ZNF530: variants seen among roughly 807,000 people sequenced by gnomAD.
ZNF530 encodes zinc finger protein 530.
ZNF530 carries 5 observed loss-of-function variants against 2.8 expected under a neutral mutation model. The ratio of observed to expected loss-of-function variants is 1.80; its 90% CI spans 0.94 to 3.78. The LOEUF (loss-of-function observed/expected upper bound fraction) is 3.78, where lower values mean the gene tolerates loss of function less well. Ranked by LOEUF, ZNF530 falls within the 30% of genes most tolerant of loss-of-function variation. ZNF530 has a pLI of 0.00. For synonymous variants in ZNF530, 229 were observed against 235.0 expected, an observed-to-expected ratio of 0.97 and a Z score of 0.23; for missense variants, 619 against 673.3, an observed-to-expected ratio of 0.92 and a Z score of 0.89.
chr19:57,604,838 T>C (rs1469876182), intron 3 of ZNF530: 2 of 167,210 alleles, frequency 1.2e-5, no homozygotes, highest in African/African-American at 4.8e-5. Flanking sequence ...TCTTGTAACA[T>C]TATTTTTCAC....
chr19:57,611,968 C>T (rs1258863189), downstream of ZNF530, among the ~76,000 whole-genome samples: 1 of 152,190 alleles, frequency 6.6e-6, no homozygotes, highest in Non-Finnish European at 1.5e-5. Flanking sequence ...TCAGACTAGC[C>T]AGTACTCAGC....
rs773279127 is a variant in ZNF530, at chr19:57,600,124, C to T, written c.-132C>T. On this transcript the variant is annotated 5_prime_UTR_variant, in exon 1 of 4. Coordinates refer to ENST00000597700, the MANE Select transcript of ZNF530 (RefSeq NM_001321981.2). ...AGTCCGATGGCGGCGGCACTGAGGG[C>T]CCCGACCCAGGTGAGCGCTGCGTCC... The T allele has an allele frequency of 3.8e-6, 6 of 1,568,946 alleles. No individual in the cohort carries two copies. In the African/African-American group the frequency reaches 6.8e-5, roughly 18 times the overall value.
intron 2 of ZNF530, among the ~76,000 whole-genome samples, chr19:57,602,422 G>A (rs763794120): frequency 1.3e-4 from 20 of 152,128 alleles, no homozygotes; most frequent in Non-Finnish European, 2.4e-4. Context: ...TTTGTGGGTG[G>A]GCGTGGGGCA....
Position 57,606,972 on chromosome 19 carries a change from A to C in ZNF530, c.1348A>C (p.Thr450Pro). 1.2e-6 allele frequency: 2 copies of C among 1,613,976 alleles called. No homozygotes were observed. The highest frequency in any genetic ancestry group is 2.2e-5 in the South Asian group (2 of 91,070). The change falls in exon 4 of 4, where the codon ACA (threonine) becomes CCA (proline). Residue 450 changes from threonine (T) to proline (P), a missense_variant. By Grantham distance (38) the Thr-to-Pro change is conservative. Transcript: ENST00000597700. ...SCKTDLIRHQ[T>P]VHTGERPYEC... ...CAAAACTGACCTCATTCGACACCAG[A>C]CAGTTCACACTGGAGAAAGGCCTTA...
rs1464207211 is a variant in ZNF530, at chr19:57,606,796, A to G, written c.1172A>G (p.Gln391Arg). The change falls in exon 4 of 4, where the codon CAA becomes CGA. Residue 391 changes from glutamine (Q) to arginine (R), a missense_variant. Gln to Arg is a conservative substitution (Grantham distance 43). Transcript: ENST00000597700. ...TTTGGCCAGAAATCTGTCCTCATTCAACACCAAAGAGTTCACACTGGAGAA... is the reference window on the plus strand; with the variant it reads ...TTTGGCCAGAAATCTGTCCTCATTCGACACCAAAGAGTTCACACTGGAGAA... ...KSFGQKSVLI[Q>R]HQRVHTGERP... is the part of the protein sequence containing the mutation. 11 of 1,613,672 alleles carry G rather than the reference A, an allele frequency of 6.8e-6. No homozygotes were observed. Among genetic ancestry groups the G allele is most frequent in the Non-Finnish European group, 9.3e-6 (11 of 1,179,886 alleles).
At chr19:57,611,409 T>C (rs1490311684), downstream of ZNF530, among the ~76,000 whole-genome samples, 1 of 152,182 alleles carries the variant, frequency 6.6e-6, no homozygotes, top group Non-Finnish European at 1.5e-5. Context: ...AGGCTCTTTA[T>C]TCTCCTTCCT....
chr19:57,605,845 T>C lies in ZNF530; in HGVS notation c.221T>C (p.Ile74Thr). 6.2e-7 allele frequency: 1 copy of C among 1,614,192 alleles called. No individual in the cohort carries two copies. Among genetic ancestry groups the C allele is most frequent in the Non-Finnish European group, 8.5e-7 (1 of 1,180,040 alleles). Residue 74 changes from isoleucine (I) to threonine (T), a missense_variant, in exon 4 of 4, where the codon ATT (isoleucine) becomes ACT (threonine). Coordinates refer to ENST00000597700, the MANE Select transcript of ZNF530 (RefSeq NM_001321981.2). ...TPVLRDILQM[I>T]ELHASPCGQK... is the part of the protein sequence containing the mutation. The stretch of plus-strand genomic sequence containing the variant: ...GTCCTGAGAGACATTTTACAAATGA[T>C]TGAGCTCCATGCCTCACCCTGTGGA...
In ZNF530 at chr19:57,607,122, G is replaced by T. The variant is rs1484163862; in HGVS notation, c.1498G>T (p.Ala500Ser). The T allele has an allele frequency of 1.2e-6, 2 of 1,613,598 alleles. No individual in the cohort carries two copies. The highest frequency in any genetic ancestry group is 1.7e-5 in the Admixed American group (1 of 59,968). Residue 500 changes from alanine to serine, a missense_variant, in exon 4 of 4, where the codon GCC becomes TCC. Physicochemically the swap from Ala to Ser is moderately conservative, Grantham distance 99. Coordinates refer to ENST00000597700, the MANE Select transcript of ZNF530 (RefSeq NM_001321981.2). ...TGGGAAATCCTATAGCCAAAGCTCT[G>T]CCCTCCTTCAGCATAGGAGAGTTCA... is the stretch of plus-strand genomic sequence containing the variant. ...ECGKSYSQSS[A>S]LLQHRRVHTG...
rs1337192968 is a variant in ZNF530 at position 57,606,512 on chromosome 19, G to A, written c.888G>A (p.Gly296=). The A allele has an allele frequency of 1.9e-6, 3 of 1,612,930 alleles. No individual in the cohort carries two copies. The highest frequency in any genetic ancestry group is 2.5e-6 in the Non-Finnish European group (3 of 1,179,166). ...GERPYECSEC[G]KSFSHSTNLY... ...GGCCTTATGAGTGCAGTGAATGTGGGAAATCTTTTAGCCACAGCACTAACC... is the reference window on the plus strand; with the variant it reads ...GGCCTTATGAGTGCAGTGAATGTGGAAAATCTTTTAGCCACAGCACTAACC... Residue 296 remains glycine (G), a synonymous_variant, in exon 4 of 4, where the codon GGG becomes GGA. Transcript: ENST00000597700.
intron 1 of ZNF530, among the ~76,000 whole-genome samples, chr19:57,600,451 G>C (rs946571618): frequency 6.6e-6 from 1 of 152,238 alleles, no homozygotes; most frequent in Non-Finnish European, 1.5e-5. Flanking sequence ...GCCACAGCGC[G>C]TAGGACAGAA....
In ZNF530 at chr19:57,606,621, C is replaced by G; in HGVS notation, c.997C>G (p.Leu333Val). 1 of 1,614,194 alleles carries G rather than the reference C, an allele frequency of 6.2e-7. No homozygotes were observed. The highest frequency in any genetic ancestry group is 8.5e-7 in the Non-Finnish European group (1 of 1,180,038). Residue 333 changes from leucine (L) to valine (V), a missense_variant, in exon 4 of 4, where the codon CTC becomes GTC. Leu to Val is a conservative substitution (Grantham distance 32). Transcript: ENST00000597700. ...AAAATCCTTTAGCCATAGCACTAAC[C>G]TCTTTCGACACTGGAGAGTTCACAC... Reference protein sequence around the residue: ...CGKSFSHSTNLFRHWRVHTGV... With the variant: ...CGKSFSHSTNVFRHWRVHTGV...
In ZNF530 at chr19:57,606,151, AG is replaced by A; in HGVS notation, c.528del (p.Lys176AsnfsTer74). 1 of 1,614,254 alleles carries A rather than the reference AG, an allele frequency of 6.2e-7. No homozygotes were observed. Among genetic ancestry groups the A allele is most frequent in the South Asian group, 1.1e-5 (1 of 91,090 alleles). Reference sequence around the variant, plus strand: ...CACTTGAGAGTTCCCACTGGACGAAAGCCTCTCAAATACACTGAATCCAGGA... The same window carrying A: ...CACTTGAGAGTTCCCACTGGACGAAACCTCTCAAATACACTGAATCCAGGA... ...IRHLRVPTGRKPLKYTESRKS... is the reference protein window; with the variant it reads ...IRHLRVPTGRXPLKYTESRKS... On this transcript the variant is annotated frameshift_variant, in exon 4 of 4. Transcript: ENST00000597700. LOFTEE classifies it low-confidence loss of function (END_TRUNC).
rs1265931085 is a variant in ZNF530, at chr19:57,605,929, A to T, written c.305A>T (p.Gln102Leu). ...TTCTGGATGAGTTCAAACCTTCACC[A>T]GCTCCAGAAGCTTGATAATGGAGAG... ...RDFWMSSNLHQLQKLDNGEKL... is the reference protein window; with the variant it reads ...RDFWMSSNLHLLQKLDNGEKL... Residue 102 changes from glutamine to leucine, a missense_variant, in exon 4 of 4, where the codon CAG (glutamine) becomes CTG (leucine). Transcript: ENST00000597700. The T allele has an allele frequency of 6.2e-7, 1 of 1,614,132 alleles. No homozygotes were observed. Among genetic ancestry groups the T allele is most frequent in the Non-Finnish European group, 8.5e-7 (1 of 1,180,042 alleles).
In ZNF530 at chr19:57,604,402, C is replaced by T. The variant is rs141153148; in HGVS notation, c.57C>T (p.Ser19=). ...TGGAGAACTTTGCAGTTATGGCATC[C>T]CTAGGTAAGGCCCTCCTATTCCTCC... ...VMLENFAVMA[S]LGCWCGAVDE... is the part of the protein sequence containing the mutation. Residue 19 remains serine, a synonymous_variant, in exon 3 of 4, where the codon TCC becomes TCT. Transcript: ENST00000597700. 1.9e-6 allele frequency: 3 copies of T among 1,613,362 alleles called. No individual in the cohort carries two copies. Among genetic ancestry groups the T allele is most frequent in the East Asian group, 4.5e-5 (2 of 44,876 alleles).
Position 57,599,934 on chromosome 19 carries a change from C to G in ZNF530, c.-322C>G, listed in dbSNP as rs1308622903. The G allele has an allele frequency of 4.3e-6, 3 of 690,576 alleles. No homozygotes were observed. The African/African-American group carries it at 5.4e-5, about 12-fold the overall frequency. The allele number at this position is 690,576 out of a possible 1,614,324, so 42.8% of individuals were successfully genotyped here. Reference sequence around the variant, plus strand: ...GCGGGCACTTTGGCTTGTGTCAGTTCCATCCGCGGGTGCCGGATCTGGACC... The same window carrying G: ...GCGGGCACTTTGGCTTGTGTCAGTTGCATCCGCGGGTGCCGGATCTGGACC... On this transcript the variant is annotated 5_prime_UTR_variant, in exon 1 of 4. Transcript: ENST00000597700.
rs775637520 is a variant in ZNF530 at position 57,607,215 on chromosome 19, C to G, written c.1591C>G (p.Gln531Glu). 8.7e-6 allele frequency: 14 copies of G among 1,614,078 alleles called. No individual in the cohort carries two copies. The highest frequency in any genetic ancestry group is 1.2e-5 in the Non-Finnish European group (14 of 1,180,032). ...TTTTACCCGCAAAAATCACCTCATT[C>G]AACACAAGACAGTTCACACTGGAGA... ...KSFTRKNHLI[Q>E]HKTVHTGERP... Residue 531 changes from glutamine (Q) to glutamate (E), a missense_variant, in exon 4 of 4, where the codon CAA (glutamine) becomes GAA (glutamate). Coordinates refer to ENST00000597700, the MANE Select transcript of ZNF530 (RefSeq NM_001321981.2).
In ZNF530 at chr19:57,599,897, G is replaced by C; in HGVS notation, c.-359G>C. On this transcript the variant is annotated 5_prime_UTR_variant, in exon 1 of 4. Coordinates refer to ENST00000597700, the MANE Select transcript of ZNF530 (RefSeq NM_001321981.2). ...AACTTGTCGGAGCGGAACTTCCGGCGTCCTCCCTGTGGCGGGCACTTTGGC... is the reference window on the plus strand; with the variant it reads ...AACTTGTCGGAGCGGAACTTCCGGCCTCCTCCCTGTGGCGGGCACTTTGGC... The C allele has an allele frequency of 2.0e-6, 1 of 506,240 alleles. No homozygotes were observed. The highest frequency in any genetic ancestry group is 3.5e-6 in the Non-Finnish European group (1 of 285,944). The allele number at this position is 506,240 out of a possible 1,614,324, so 31.4% of individuals were successfully genotyped here.
In ZNF530 at chr19:57,606,836, C is replaced by T. The variant is rs754066833; in HGVS notation, c.1212C>T (p.Cys404=). ...ACACTGGAGAAAGGCCTTATGAGTGCAGTGAATGTGGGAAAGTTTTTAGCC... is the reference window on the plus strand; with the variant it reads ...ACACTGGAGAAAGGCCTTATGAGTGTAGTGAATGTGGGAAAGTTTTTAGCC... ...RVHTGERPYE[C]SECGKVFSQS... is the part of the protein sequence containing the mutation. The change falls in exon 4 of 4, where the codon TGC becomes TGT. Residue 404 remains cysteine (C), a synonymous_variant. Coordinates refer to ENST00000597700, the MANE Select transcript of ZNF530 (RefSeq NM_001321981.2). 9.3e-6 allele frequency: 15 copies of T among 1,614,120 alleles called. No individual in the cohort carries two copies. The highest frequency in any genetic ancestry group is 1.3e-5 in the Non-Finnish European group (15 of 1,180,014).
downstream of ZNF530, among the ~76,000 whole-genome samples, chr19:57,610,407 TAC>T (rs1279738785): frequency 1.4e-5 from 2 of 139,250 alleles, no homozygotes; most frequent in Non-Finnish European, 3.1e-5. Context: ...TTCAAAAGTG[TAC>T]ATATGTGTGT....
Sources: allele counts gnomAD v4.1 joint callset (sites outside exome capture counted in the v4.1 genomes callset), GRCh38; gene constraint gnomAD v4.1.1; transcripts MANE v1.5; gene names NCBI Gene and HGNC (gene_info 2026-07-23, HGNC 2026-07-21).